UHRF2: variants seen among roughly 807,000 people sequenced by gnomAD.
The protein encoded by UHRF2 is ubiquitin like with PHD and ring finger domains 2.
A neutral mutation model predicts 96.8 loss-of-function variants in UHRF2; 23 were observed. The ratio of observed to expected loss-of-function variants is 0.24; its 90% CI spans 0.17 to 0.34. The LOEUF is 0.34. UHRF2 is among the 10% of genes least tolerant of loss of function. The probability of loss-of-function intolerance (pLI) is 1.00; values close to 1 mark genes in which losing one functional copy is unlikely to be tolerated. For synonymous variants in UHRF2, 385 were observed against 332.6 expected (o/e 1.16, Z -1.72); for missense variants, 685 against 981.5 (o/e 0.70, Z 4.04).
chr9:6,429,130 A>G (rs771857375), intron 2 of UHRF2, among the ~76,000 whole-genome samples: 1 of 151,756 alleles, frequency 6.6e-6, no homozygotes, highest in African/African-American at 2.4e-5. Context: ...GCACCACTGC[A>G]CTCCAGCCTG....
chr9:6,505,999 CAGATT>C, intron 15 of UHRF2, 29 bp from the exon 16 acceptor site: 2 of 1,612,222 alleles, frequency 1.2e-6, no homozygotes, highest in Non-Finnish European at 1.7e-6. Context: ...GCTTTATGCT[CAGATT>C]AAATTGGATG....
At chr9:6,461,787 G>A (rs146219181) in intron 4 of UHRF2, among the ~76,000 whole-genome samples, 1 of 152,106 alleles carries the variant, frequency 6.6e-6, no homozygotes, top group Non-Finnish European at 1.5e-5. Context: ...CTTTTTCTGT[G>A]TCTGCTGCTT....
chr9:6,504,015 C>CTTTTTTT (rs35325264), intron 14 of UHRF2, among the ~76,000 whole-genome samples: 5 of 78,958 alleles, frequency 6.3e-5, no homozygotes, highest in African/African-American at 2.4e-4. Flanking sequence ...AAATAGAAGA[C>CTTTTTTT]TTTTTTTTTT....
chr9:6,458,167 G>A (rs1822300661), intron 3 of UHRF2, among the ~76,000 whole-genome samples: 1 of 151,988 alleles, frequency 6.6e-6, no homozygotes, highest in Non-Finnish European at 1.5e-5. Context: ...ACTTGTTATT[G>A]GTCTCAATTT....
intron 4 of UHRF2, among the ~76,000 whole-genome samples, chr9:6,463,469 G>T (rs895566688): frequency 6.6e-6 from 1 of 151,194 alleles, no homozygotes; most frequent in African/African-American, 2.4e-5. Context: ...CTTATGGATA[G>T]AATTTTTTTT....
rs1417633853 is a variant in UHRF2 at position 6,413,406 on chromosome 9, AG to A, written c.-82del. The A allele has an allele frequency of 8.0e-7, 1 of 1,254,718 alleles. No individual in the cohort carries two copies. The highest frequency in any genetic ancestry group is 1.0e-6 in the Non-Finnish European group (1 of 982,500). The allele number at this position is 1,254,718 out of a possible 1,614,324, so 77.7% of individuals were successfully genotyped here. On this transcript the variant is annotated 5_prime_UTR_variant, in exon 1 of 16. Transcript: ENST00000276893. Reference sequence around the variant, plus strand: ...GCCTGCCGCTGAGGGCCCGAGCCGCAGGGAAAGCGGCGCGGGCCGGGCGGGG... The same window carrying A: ...GCCTGCCGCTGAGGGCCCGAGCCGCAGGAAAGCGGCGCGGGCCGGGCGGGG...
At position 6,477,625 on chromosome 9, in the gene UHRF2, G is replaced by A. The variant is rs979660065; in HGVS notation, c.977G>A (p.Arg326Gln). 17 of 1,603,168 alleles carry A rather than the reference G, an allele frequency of 1.1e-5. No individual in the cohort carries two copies. The highest frequency in any genetic ancestry group is 1.3e-5 in the African/African-American group (1 of 74,484). Reference sequence around the variant, plus strand: ...GCTATAATTTTGTTCTTAATAGGGCGAAATGACCCTGAATGTGACCTGTGT... The same window carrying A: ...GCTATAATTTTGTTCTTAATAGGGCAAAATGACCCTGAATGTGACCTGTGT... ...LSFADGKFLR[R>Q]NDPECDLCGG... Residue 326 changes from arginine (R) to glutamine (Q), a missense_variant, in exon 6 of 16, where the codon CGA (arginine) becomes CAA (glutamine). Coordinates refer to ENST00000276893, the MANE Select transcript of UHRF2 (RefSeq NM_152896.3).
intron 2 of UHRF2, chr9:6,423,062 G>GT (rs1820024858): frequency 6.2e-6 from 1 of 161,678 alleles, no homozygotes; most frequent in South Asian, 2.0e-4. Flanking sequence ...CACCTATACT[G>GT]TTTTTCAAAG....
At chr9:6,468,759 A>G (rs1332759488) in intron 4 of UHRF2, 1 of 450,400 alleles carries the variant, frequency 2.2e-6, no homozygotes, top group South Asian at 1.6e-5. Flanking sequence ...ATTTTAGGGT[A>G]ACTGGTGTAA....
chr9:6,433,573 T>C lies in UHRF2; in HGVS notation c.385-341T>C, dbSNP rs1395706371. ...GTCATATTAGCTTAAAGTCCTGGCTTTTCATTAGTGTCATTCTTACTGGAT... is the reference window on the plus strand; with the variant it reads ...GTCATATTAGCTTAAAGTCCTGGCTCTTCATTAGTGTCATTCTTACTGGAT... On this transcript the variant is annotated intron_variant, in intron 2 of 15. Coordinates refer to ENST00000276893, the MANE Select transcript of UHRF2 (RefSeq NM_152896.3). Among the ~76,000 whole-genome samples the C allele has an allele frequency of 2.0e-5, 3 of 152,192 alleles. No individual in the cohort carries two copies. In the East Asian group the frequency reaches 5.8e-4, roughly 29 times the overall value.
chr9:6,486,106 T>G (rs1055248485), intron 8 of UHRF2, among the ~76,000 whole-genome samples: 4 of 152,154 alleles, frequency 2.6e-5, no homozygotes, highest in African/African-American at 9.7e-5. Context: ...CATGTTGACT[T>G]GGGTTTGATA....
chr9:6,487,027 C>G, intron 9 of UHRF2, 102 bp downstream of exon 9: 1 of 1,102,552 alleles, frequency 9.1e-7, no homozygotes, highest in Non-Finnish European at 1.3e-6. Flanking sequence ...GTCTTTTTAG[C>G]ACAGTTTTTG....
intron 10 of UHRF2, chr9:6,494,177 C>G (rs1010623556): frequency 2.7e-6 from 1 of 375,070 alleles, no homozygotes; most frequent in East Asian, 4.2e-5. Flanking sequence ...AAAATGTTAA[C>G]AACTTTGAAG....
intron 1 of UHRF2, among the ~76,000 whole-genome samples, chr9:6,418,795 T>C (rs1819756110): frequency 6.6e-6 from 1 of 152,214 alleles, no homozygotes; most frequent in Admixed American, 6.5e-5. Context: ...CTAGGGCTGT[T>C]GTACTAATGT....
At chr9:6,483,118 G>T (rs1200773022) in intron 8 of UHRF2, among the ~76,000 whole-genome samples, 1 of 151,810 alleles carries the variant, frequency 6.6e-6, no homozygotes, top group Non-Finnish European at 1.5e-5. Context: ...TTGAGGCCAG[G>T]AATTCAAAAC....
intron 9 of UHRF2, chr9:6,492,862 G>A (rs1587874182): frequency 2.3e-5 from 2 of 86,090 alleles, no homozygotes; most frequent in East Asian, 6.6e-4. Flanking sequence ...TTTACATTTA[G>A]TAGATACTTT....
At position 6,433,326 on chromosome 9, in the gene UHRF2, A is replaced by G. The variant is rs933303982; in HGVS notation, c.385-588A>G. 9.2e-5 allele frequency among the ~76,000 whole-genome samples: 14 copies of G among 151,984 alleles called. No homozygotes were observed. In the East Asian group the frequency reaches 1.7e-3, roughly 19 times the overall value. Reference sequence around the variant, plus strand: ...TACGCCCTGTTCATTTTTATATTTTATCTTTGTTCTTTGAGGTGGTAGATA... The same window carrying G: ...TACGCCCTGTTCATTTTTATATTTTGTCTTTGTTCTTTGAGGTGGTAGATA... On this transcript the variant is annotated intron_variant, in intron 2 of 15. Coordinates refer to ENST00000276893, the MANE Select transcript of UHRF2 (RefSeq NM_152896.3).
chr9:6,413,561 C>G lies in UHRF2; in HGVS notation c.71C>G (p.Thr24Arg). 1.2e-6 allele frequency: 2 copies of G among 1,601,876 alleles called. No individual in the cohort carries two copies. The highest frequency in any genetic ancestry group is 8.5e-7 in the Non-Finnish European group (1 of 1,174,770). Residue 24 changes from threonine to arginine, a missense_variant, in exon 1 of 16, where the codon ACG becomes AGG. This residue lies in a region of UHRF2 where 38 missense variants were observed against 35.9 expected (regional missense o/e 1.06). Transcript: ENST00000276893. ...ATTGAGGACGTGTCTCGCAAAGCCA[C>G]GATTGAGGAGCTGCGCGAGCGGGTG... ...CTIEDVSRKA[T>R]IEELRERVWA...
chr9:6,504,685 C>A lies in UHRF2; in HGVS notation c.2256C>A (p.Val752=). 1 of 1,612,250 alleles carries A rather than the reference C, an allele frequency of 6.2e-7. No homozygotes were observed. Among genetic ancestry groups the A allele is most frequent in the South Asian group, 1.1e-5 (1 of 90,876 alleles). ...QPVTTECFHN[V]CKDCLQRSFK... ...TGACAACTGAGTGCTTCCACAATGT[C>A]TGTAAAGTAAGTAGAATTCCTTCCT... Residue 752 remains valine (V), a synonymous_variant, in exon 15 of 16, where the codon GTC becomes GTA. Transcript: ENST00000276893.
Sources: gnomAD v4.1 joint callset for allele counts (sites outside exome capture counted in the v4.1 genomes callset) on GRCh38, gnomAD v4.1.1 for gene constraint, gnomAD v4.1.1 regional missense constraint, MANE v1.5 for transcripts, NCBI Gene and HGNC (gene_info 2026-07-23, HGNC 2026-07-21) for gene names.